The following DOK6 variants were observed in gnomAD, a reference collection of about 807,000 sequenced individuals.
The protein encoded by DOK6 is downstream of tyrosine kinase 6.
In DOK6, 22 loss-of-function variants were observed where a neutral mutation model predicts 44.0. The observed-to-expected ratio is 0.50, with a 90% CI of 0.36 to 0.71. The LOEUF (loss-of-function observed/expected upper bound fraction) is 0.71. Ranked by LOEUF, DOK6 falls within the 30% of genes least tolerant of loss-of-function variation. DOK6 has a pLI of 0.00. For synonymous variants in DOK6, 166 were observed against 145.5 expected, an observed-to-expected ratio of 1.14 and a Z score of -1.01; for missense variants, 340 against 416.4, an observed-to-expected ratio of 0.82 and a Z score of 1.60.
At chr18:69,513,054 AG>A (rs917187476) in intron 1 of DOK6, among the ~76,000 whole-genome samples, 1 of 152,240 alleles carries the variant, frequency 6.6e-6, no homozygotes, top group African/African-American at 2.4e-5. Context: ...AAAATAGTAT[AG>A]AAGATTGAAT....
chr18:69,811,534 A>G (rs1179345979), intron 7 of DOK6, among the ~76,000 whole-genome samples: 1 of 17,548 alleles, frequency 5.7e-5, no homozygotes, highest in East Asian at 2.9e-3. Flanking sequence ...TTATATATAT[A>G]TATATATATA....
chr18:69,511,713 A>G (rs1454812862), intron 1 of DOK6, among the ~76,000 whole-genome samples: 1 of 152,216 alleles, frequency 6.6e-6, no homozygotes, highest in East Asian at 1.9e-4. Flanking sequence ...GTAAATTTAT[A>G]ATTAGCAATG....
intron 3 of DOK6, among the ~76,000 whole-genome samples, chr18:69,624,033 A>G (rs1196472300): frequency 6.6e-6 from 1 of 152,192 alleles, no homozygotes; most frequent in Admixed American, 6.5e-5. Context: ...ATGGCTCTAC[A>G]CAACTTCCTC....
intron 1 of DOK6, among the ~76,000 whole-genome samples, chr18:69,515,952 A>G (rs566268057): frequency 3.3e-5 from 5 of 152,290 alleles, no homozygotes; most frequent in African/African-American, 1.2e-4. Flanking sequence ...ACCACAGATT[A>G]ATTTCCACCG....
chr18:69,560,980 A>T (rs1040908258), intron 1 of DOK6, among the ~76,000 whole-genome samples: 2 of 152,176 alleles, frequency 1.3e-5, no homozygotes, highest in Non-Finnish European at 2.9e-5. Context: ...AAATATTTGC[A>T]TCTGAATATT....
intron 3 of DOK6, among the ~76,000 whole-genome samples, chr18:69,603,607 T>C (rs1365246774): frequency 6.6e-6 from 1 of 151,930 alleles, no homozygotes; most frequent in Non-Finnish European, 1.5e-5. Flanking sequence ...CCGTCTCTAC[T>C]AAAAATACAA....
chr18:69,634,290 C>T lies in DOK6; in HGVS notation c.289+34792C>T, dbSNP rs1984754827. On this transcript the variant is annotated intron_variant, in intron 3 of 7. Coordinates refer to ENST00000382713, the MANE Select transcript of DOK6 (RefSeq NM_152721.6). ...TCATGAAGGTCACATGAAATTTTCTCTTTGCACAGTTCTAGAACACTTTAA... is the reference window on the plus strand; with the variant it reads ...TCATGAAGGTCACATGAAATTTTCTTTTTGCACAGTTCTAGAACACTTTAA... 2.0e-5 allele frequency among the ~76,000 whole-genome samples: 3 copies of T among 152,148 alleles called. No homozygotes were observed. The South Asian group carries it at 6.2e-4, about 32-fold the overall frequency.
rs756001343 is a variant in DOK6 at position 69,599,395 on chromosome 18, G to T, written c.186G>T (p.Leu62=). The T allele has an allele frequency of 6.2e-7, 1 of 1,613,066 alleles. No individual in the cohort carries two copies. Among genetic ancestry groups the T allele is most frequent in the Admixed American group, 1.7e-5 (1 of 59,886 alleles). ...TTTTTTCTTTCAAGGTAACTGAACT[G>T]CACAATATCAAAAATATAACCAGAC... is the stretch of plus-strand genomic sequence containing the variant. ...YFRNFHKVTE[L]HNIKNITRLP... The change falls in exon 3 of 8, where the codon CTG becomes CTT. Residue 62 remains leucine, a synonymous_variant. Transcript: ENST00000382713.
chr18:69,838,669 C>G (rs1386975411), intron 7 of DOK6, among the ~76,000 whole-genome samples: 1 of 151,990 alleles, frequency 6.6e-6, no homozygotes, highest in African/African-American at 2.4e-5. Context: ...AGATGGGTTA[C>G]AAGCTAGGAA....
At position 69,487,179 on chromosome 18, in the gene DOK6, GT is replaced by G. The variant is rs1301124270; in HGVS notation, c.67-77307del. ...ATTAGCCTTGGCACTGATAGGATAT[GT>G]GTGTGTGTGTGTGTGTGTGTGTGTG... On this transcript the variant is annotated intron_variant, in intron 1 of 7. Transcript: ENST00000382713. Among the ~76,000 whole-genome samples, 29 of 10,078 alleles carry G rather than the reference GT, an allele frequency of 2.9e-3. 1 individual carries two copies. Among genetic ancestry groups the G allele is most frequent in the Admixed American group, 0.013 (8 of 634 alleles). The allele number at this position is 10,078 out of a possible 152,430, so 6.6% of individuals were successfully genotyped here.
At chr18:69,471,250 CAAAAAAAAAAAA>C (rs71176969) in intron 1 of DOK6, among the ~76,000 whole-genome samples, 34 of 27,782 alleles carry the variant, frequency 1.2e-3, no homozygotes, top group Non-Finnish European at 1.6e-3. Context: ...AACTCCATCT[CAAAAAAAAAAAA>C]AAAAAAAAAA....
At chr18:69,524,509 T>TA (rs1489651680) in intron 1 of DOK6, among the ~76,000 whole-genome samples, 2 of 151,942 alleles carry the variant, frequency 1.3e-5, no homozygotes, top group African/African-American at 4.8e-5. Flanking sequence ...GTGTGGACAA[T>TA]AGCATGTAGT....
At chr18:69,461,390 C>T (rs1979782661) in intron 1 of DOK6, among the ~76,000 whole-genome samples, 1 of 152,134 alleles carries the variant, frequency 6.6e-6, no homozygotes, top group Admixed American at 6.6e-5. Flanking sequence ...CCTCACCTCC[C>T]ACTCCACCAT....
At chr18:69,777,950 G>T (rs1170776370) in intron 7 of DOK6, 1 of 152,012 alleles carries the variant, frequency 6.6e-6, no homozygotes, top group Non-Finnish European at 1.5e-5. Context: ...CCGAGAACAG[G>T]TAAGACAATG....
chr18:69,764,224 C>CT (rs1404621171), intron 7 of DOK6, among the ~76,000 whole-genome samples: 1 of 152,148 alleles, frequency 6.6e-6, no homozygotes, highest in Non-Finnish European at 1.5e-5. Context: ...TCACGTTCTT[C>CT]TTTTATAAAC....
chr18:69,509,637 CAAAAAAAA>C (rs1183367298), intron 1 of DOK6, among the ~76,000 whole-genome samples: 2 of 33,990 alleles, frequency 5.9e-5, no homozygotes, highest in Non-Finnish European at 1.1e-4. Context: ...GGCTCTGTCT[CAAAAAAAA>C]AAAAAAAAAA....
At chr18:69,579,670 T>G (rs1223007881) in intron 2 of DOK6, among the ~76,000 whole-genome samples, 1 of 152,034 alleles carries the variant, frequency 6.6e-6, no homozygotes, top group East Asian at 1.9e-4. Flanking sequence ...TTCAAATGAT[T>G]CTCCTGCCTC....
At chr18:69,736,426 GATTAT>G (rs1315752325) in intron 5 of DOK6, among the ~76,000 whole-genome samples, 2 of 152,146 alleles carry the variant, frequency 1.3e-5, no homozygotes, top group South Asian at 4.1e-4. Flanking sequence ...AAACCTTAGA[GATTAT>G]ATTATCCAAC....
chr18:69,559,891 A>G (rs1467284438), intron 1 of DOK6, among the ~76,000 whole-genome samples: 2 of 152,046 alleles, frequency 1.3e-5, no homozygotes, highest in Non-Finnish European at 2.9e-5. Flanking sequence ...GTTGTCTCCT[A>G]TGTCTTCTTG....
Sources: gnomAD v4.1 joint callset for allele counts (sites outside exome capture counted in the v4.1 genomes callset) on GRCh38, gnomAD v4.1.1 for gene constraint, MANE v1.5 for transcripts, NCBI Gene and HGNC (gene_info 2026-07-23, HGNC 2026-07-21) for gene names.